The following ZNF804A variants were observed in gnomAD, a reference collection of about 807,000 sequenced individuals.
ZNF804A encodes the protein zinc finger protein 804A.
In ZNF804A, 2 loss-of-function variants were observed where a neutral mutation model predicts 16.5. The observed-to-expected ratio is 0.12, with a 90% CI of 0.05 to 0.38. ZNF804A has a LOEUF of 0.38. ZNF804A is among the 10% of genes least tolerant of loss of function. The pLI is 0.99. For missense variants in ZNF804A, 1,473 were observed against 1,390.7 expected (o/e 1.06, Z -0.94); for synonymous variants, 534 against 489.6 (o/e 1.09, Z -1.20).
At chr2:184,796,921 A>G (rs1293997796) in intron 1 of ZNF804A, among the ~76,000 whole-genome samples, 1 of 151,852 alleles carries the variant, frequency 6.6e-6, no homozygotes, top group Non-Finnish European at 1.5e-5. Context: ...TAATTTCCAT[A>G]TACTTCCATG....
At chr2:184,659,710 A>G (rs1479274901) in intron 1 of ZNF804A, among the ~76,000 whole-genome samples, 1 of 152,168 alleles carries the variant, frequency 6.6e-6, no homozygotes, top group Non-Finnish European at 1.5e-5. Context: ...GTACATCATC[A>G]TATGAATGAA....
At chr2:184,599,578 G>A (rs1374626988) in intron 1 of ZNF804A, among the ~76,000 whole-genome samples, 2 of 152,194 alleles carry the variant, frequency 1.3e-5, no homozygotes, top group Non-Finnish European at 2.9e-5. Flanking sequence ...CTTCTCCAGT[G>A]AGAAGTTGTC....
chr2:184,692,232 T>C (rs1692744024), intron 1 of ZNF804A, among the ~76,000 whole-genome samples: 1 of 152,202 alleles, frequency 6.6e-6, no homozygotes, highest in Admixed American at 6.5e-5. Flanking sequence ...ATAGCTACAA[T>C]ACTTCGCACA....
chr2:184,700,432 T>C (rs1559129700), intron 1 of ZNF804A, among the ~76,000 whole-genome samples: 1 of 152,060 alleles, frequency 6.6e-6, no homozygotes, highest in Non-Finnish European at 1.5e-5. Flanking sequence ...CAGCCTATAG[T>C]CATAACCAAA....
At chr2:184,896,287 A>T (rs961775714) in intron 2 of ZNF804A, among the ~76,000 whole-genome samples, 4 of 152,112 alleles carry the variant, frequency 2.6e-5, no homozygotes, top group Admixed American at 2.0e-4. Flanking sequence ...AAATTTATAT[A>T]TGAAATCTAA....
intron 1 of ZNF804A, among the ~76,000 whole-genome samples, chr2:184,837,443 T>C (rs1033063449): frequency 6.6e-6 from 1 of 152,140 alleles, no homozygotes; most frequent in African/African-American, 2.4e-5. Flanking sequence ...AATTCTCAAG[T>C]ATATTTTCAG....
intron 1 of ZNF804A, among the ~76,000 whole-genome samples, chr2:184,712,770 T>C (rs972515169): frequency 5.3e-5 from 8 of 151,702 alleles, no homozygotes; most frequent in African/African-American, 1.9e-4. Flanking sequence ...AGCTTTCTGG[T>C]TCTTTCTTCT....
At chr2:184,899,579 C>G (rs1448844808) in intron 2 of ZNF804A, among the ~76,000 whole-genome samples, 2 of 151,712 alleles carry the variant, frequency 1.3e-5, no homozygotes, top group Non-Finnish European at 2.9e-5. Flanking sequence ...AAGCTATGTT[C>G]TACAATAAGA....
intron 1 of ZNF804A, among the ~76,000 whole-genome samples, chr2:184,854,083 G>A (rs1025576443): frequency 1.3e-5 from 2 of 151,772 alleles, no homozygotes; most frequent in African/African-American, 2.4e-5. Context: ...ATCCTTGTTA[G>A]TAACGATTTG....
At chr2:184,832,662 T>C (rs931658879) in intron 1 of ZNF804A, among the ~76,000 whole-genome samples, 2 of 151,666 alleles carry the variant, frequency 1.3e-5, no homozygotes, top group Non-Finnish European at 3.0e-5. Flanking sequence ...ATTCTTAATT[T>C]CCACTATCTT....
chr2:184,631,264 C>G (rs1691604832), intron 1 of ZNF804A, among the ~76,000 whole-genome samples: 1 of 152,072 alleles, frequency 6.6e-6, no homozygotes, highest in South Asian at 2.1e-4. Context: ...ATCTGCAACT[C>G]CTTTCACTCT....
At chr2:184,894,803 AG>A (rs1480354573) in intron 2 of ZNF804A, among the ~76,000 whole-genome samples, 1 of 152,014 alleles carries the variant, frequency 6.6e-6, no homozygotes, top group Non-Finnish European at 1.5e-5. Flanking sequence ...CCCCTGCCTC[AG>A]CCTCCGGAGT....
intron 2 of ZNF804A, among the ~76,000 whole-genome samples, chr2:184,901,625 T>G (rs147697417): frequency 3.0e-4 from 46 of 152,244 alleles, no homozygotes; most frequent in Admixed American, 5.2e-4. Context: ...CCTAAGTGCA[T>G]CAATAGTTTG....
intron 1 of ZNF804A, among the ~76,000 whole-genome samples, chr2:184,800,828 A>G (rs552510450): frequency 2.4e-4 from 36 of 152,160 alleles, no homozygotes; most frequent in African/African-American, 7.9e-4. Flanking sequence ...ACCACCCAAT[A>G]TATAGTCAAT....
rs1003803945 is a variant in ZNF804A, at chr2:184,866,692, T to A, written c.255+180T>A. 1.1e-3 allele frequency among the ~76,000 whole-genome samples: 161 copies of A among 142,166 alleles called. 1 individual carries two copies. The highest frequency in any genetic ancestry group is 1.8e-3 in the African/African-American group (68 of 37,876). 93.3% of individuals were successfully genotyped at this position (142,166 alleles called of 152,430 possible). A position where few individuals can be genotyped will look rare whatever the true frequency, so the allele number is the denominator to read the frequency against. On this transcript the variant is annotated intron_variant, in intron 2 of 3. Transcript: ENST00000302277. ...ACAGCAAAATCCTTTTTTTTTTTTTTAAAAAAAAAGGCACCAATAGCAAAG... is the reference window on the plus strand; with the variant it reads ...ACAGCAAAATCCTTTTTTTTTTTTTAAAAAAAAAAGGCACCAATAGCAAAG...
At chr2:184,904,868 T>A (rs981232560) in intron 2 of ZNF804A, among the ~76,000 whole-genome samples, 1 of 152,092 alleles carries the variant, frequency 6.6e-6, no homozygotes, top group African/African-American at 2.4e-5. Flanking sequence ...CTTTCTTCTG[T>A]CTCTATGGAT....
intron 2 of ZNF804A, among the ~76,000 whole-genome samples, chr2:184,894,972 A>C (rs1346312669): frequency 6.6e-6 from 1 of 152,134 alleles, no homozygotes; most frequent in Admixed American, 6.5e-5. Context: ...AGATATACGT[A>C]AAAATAGAAG....
intron 1 of ZNF804A, among the ~76,000 whole-genome samples, chr2:184,690,275 T>A (rs957747167): frequency 6.6e-6 from 1 of 151,974 alleles, no homozygotes; most frequent in African/African-American, 2.4e-5. Context: ...TGTTGTATAT[T>A]TGGTGTATTA....
intron 1 of ZNF804A, among the ~76,000 whole-genome samples, chr2:184,676,374 C>T (rs903660491): frequency 4.0e-5 from 6 of 151,352 alleles, no homozygotes; most frequent in Admixed American, 3.3e-4. Context: ...CACACACACT[C>T]ACACACATAT....
Sources: gnomAD v4.1 joint callset for allele counts (sites outside exome capture counted in the v4.1 genomes callset) on GRCh38, gnomAD v4.1.1 for gene constraint, MANE v1.5 for transcripts, NCBI Gene and HGNC (gene_info 2026-07-23, HGNC 2026-07-21) for gene names.